NDUFB2: variants seen among roughly 807,000 people sequenced by gnomAD.
The protein encoded by NDUFB2 is NADH dehydrogenase [ubiquinone] 1 beta subcomplex subunit 2, mitochondrial.
Under a neutral mutation model 13.4 loss-of-function variants are expected in NDUFB2, and 13 were observed. That is an observed-to-expected ratio of 0.97 (90% CI 0.63 to 1.54). NDUFB2 has a LOEUF of 1.54. Ranked by LOEUF, NDUFB2 falls within the 40% of genes most tolerant of loss-of-function variation. The pLI is 0.00. For synonymous variants in NDUFB2, 47 were observed against 50.6 expected, an observed-to-expected ratio of 0.93 and a Z score of 0.30; for missense variants, 150 against 139.7, an observed-to-expected ratio of 1.07 and a Z score of -0.37.
intron 1 of NDUFB2, among the ~76,000 whole-genome samples, chr7:140,698,711 G>A (rs1429404351): frequency 5.3e-5 from 8 of 152,156 alleles, no homozygotes; most frequent in Non-Finnish European, 2.9e-5. Context: ...GGAGTGGAGC[G>A]TAGGGGAAGA....
At chr7:140,702,305 G>T (rs2130801376) in intron 1 of NDUFB2, among the ~76,000 whole-genome samples, 1 of 152,256 alleles carries the variant, frequency 6.6e-6, no homozygotes, top group Admixed American at 6.5e-5. Flanking sequence ...TATGGACTCT[G>T]TGCCACAACT....
intron 3 of NDUFB2, chr7:140,705,740 G>A (rs921421945): frequency 1.1e-4 from 17 of 152,216 alleles, no homozygotes; most frequent in African/African-American, 4.1e-4. Flanking sequence ...TGGTGAACAG[G>A]ACAGATGGAG....
At chr7:140,706,022 TATTTTA>T (rs1172277323) in intron 3 of NDUFB2, 5 of 150,386 alleles carry the variant, frequency 3.3e-5, no homozygotes, top group Admixed American at 1.3e-4. Context: ...TATTTTATTT[TATTTTA>T]GTTTGTTATG....
At chr7:140,705,791 A>G (rs990227318) in intron 3 of NDUFB2, 1 of 152,242 alleles carries the variant, frequency 6.6e-6, no homozygotes, top group Non-Finnish European at 1.5e-5. Flanking sequence ...TCCTGCTCTC[A>G]ACATTTAAAT....
intron 1 of NDUFB2, 28 bp from the exon 2 acceptor site, chr7:140,702,838 C>CTG: frequency 2.5e-6 from 4 of 1,612,686 alleles, no homozygotes; most frequent in Non-Finnish European, 3.4e-6. Context: ...ATGTAGCACG[C>CTG]TGTCTGCCAT....
At chr7:140,702,781 T>G (rs751141916) in intron 1 of NDUFB2, 85 bp from the exon 2 acceptor site, 55 of 1,499,784 alleles carry the variant, frequency 3.7e-5, no homozygotes, top group Non-Finnish European at 5.1e-5. Flanking sequence ...TAGCGTTGGT[T>G]CTAGGATGTA....
chr7:140,705,805 TC>T (rs754985931), intron 3 of NDUFB2: 53 of 152,250 alleles, frequency 3.5e-4, no homozygotes, highest in Admixed American at 1.6e-3. Context: ...TTTAAATAGA[TC>T]CAGCATATGG....
At chr7:140,703,865 C>T (rs911097016) in intron 2 of NDUFB2, among the ~76,000 whole-genome samples, 51 of 152,302 alleles carry the variant, frequency 3.3e-4, no homozygotes, top group African/African-American at 9.9e-4. Flanking sequence ...ACGCCATTCT[C>T]TTGCCTCAGC....
At chr7:140,697,423 TG>T in intron 1 of NDUFB2, 1 of 702,510 alleles carries the variant, frequency 1.4e-6, no homozygotes. Flanking sequence ...AAGCCAACGC[TG>T]GGGCAGCCGT....
chr7:140,704,300 C>T (rs1378880712), intron 2 of NDUFB2, among the ~76,000 whole-genome samples: 1 of 152,144 alleles, frequency 6.6e-6, no homozygotes, highest in Non-Finnish European at 1.5e-5. Flanking sequence ...GTGCCGTTGT[C>T]CTTCAGTAAG....
intron 1 of NDUFB2, chr7:140,700,551 G>T (rs1432002364): frequency 6.6e-6 from 1 of 151,928 alleles, no homozygotes; most frequent in Admixed American, 6.6e-5. Flanking sequence ...CACTTTGGGA[G>T]GTCAGGGCAG....
Position 140,702,869 on chromosome 7 carries a change from CGGT to C in NDUFB2, c.110_112del (p.Gly37del), listed in dbSNP as rs780562590. The stretch of plus-strand genomic sequence containing the variant: ...GCCATGTTGTTTTGTCTTGCAGTGC[CGGT>C]GGTGGTGTGCACATTGAGCCCCGGT... On this transcript the variant is annotated inframe_deletion, in exon 2 of 4. Transcript: ENST00000247866. 1.2e-6 allele frequency: 2 copies of C among 1,614,002 alleles called. No individual in the cohort carries two copies. The highest frequency in any genetic ancestry group is 1.7e-5 in the Admixed American group (1 of 60,000).
intron 2 of NDUFB2, 61 bp from the exon 3 acceptor site, chr7:140,704,795 CAATT>C: frequency 2.4e-6 from 2 of 833,092 alleles, no homozygotes; most frequent in East Asian, 3.2e-5. Flanking sequence ...ATTTATTTAA[CAATT>C]TAATTAGTTG....
rs150202298 is a variant in NDUFB2, at chr7:140,703,460, A to T, written c.243+450A>T. ...GGCTAATTTTTTTTGTTGTTAGTAG[A>T]GACGGGGTTTCACCATGTTGGTCAG... is the stretch of plus-strand genomic sequence containing the variant. On this transcript the variant is annotated intron_variant, in intron 2 of 3. Transcript: ENST00000247866. 1.3e-4 allele frequency among the ~76,000 whole-genome samples: 20 copies of T among 151,864 alleles called. 1 individual carries two copies. Among genetic ancestry groups the T allele is most frequent in the Admixed American group, 6.6e-4 (10 of 15,238 alleles).
Position 140,704,974 on chromosome 7 carries a change from T to C in NDUFB2, c.*29+11T>C. On this transcript the variant is annotated intron_variant, in intron 3 of 3. Coordinates refer to ENST00000247866, the MANE Select transcript of NDUFB2 (RefSeq NM_004546.3). Reference sequence around the variant, plus strand: ...CCTCACTCTGTACAAGTGGGTGTGCTCCAAATTTCTTTATGTCATATTTAC... The same window carrying C: ...CCTCACTCTGTACAAGTGGGTGTGCCCCAAATTTCTTTATGTCATATTTAC... The C allele has an allele frequency of 7.3e-7, 1 of 1,364,190 alleles. No individual in the cohort carries two copies. The highest frequency in any genetic ancestry group is 1.5e-5 in the South Asian group (1 of 67,614). 84.5% of individuals were successfully genotyped at this position (1,364,190 alleles called of 1,614,324 possible).
chr7:140,698,846 G>T (rs1202323516), intron 1 of NDUFB2, among the ~76,000 whole-genome samples: 1 of 152,126 alleles, frequency 6.6e-6, no homozygotes, highest in African/African-American at 2.4e-5. Flanking sequence ...AAGTAATGTG[G>T]TCTGATTTAT....
At chr7:140,703,843 C>T (rs1335421490) in intron 2 of NDUFB2, among the ~76,000 whole-genome samples, 1 of 152,142 alleles carries the variant, frequency 6.6e-6, no homozygotes, top group Non-Finnish European at 1.5e-5. Flanking sequence ...GCAAGCTCCG[C>T]CTCCTGGGTT....
intron 1 of NDUFB2, among the ~76,000 whole-genome samples, chr7:140,700,403 A>G (rs541478422): frequency 8.7e-4 from 131 of 151,038 alleles, no homozygotes; most frequent in Non-Finnish European, 1.6e-3. Flanking sequence ...GATTACAGGC[A>G]TAAGCCACCG....
intron 1 of NDUFB2, 56 bp downstream of exon 1, chr7:140,696,898 C>A: frequency 6.7e-7 from 1 of 1,494,554 alleles, no homozygotes; most frequent in Non-Finnish European, 9.1e-7. Context: ...CAGCGCGGGT[C>A]CCTGGGACGC....
Sources: allele counts gnomAD v4.1 joint callset (sites outside exome capture counted in the v4.1 genomes callset), GRCh38; gene constraint gnomAD v4.1.1; transcripts MANE v1.5; gene names NCBI Gene and HGNC (gene_info 2026-07-23, HGNC 2026-07-21).